Variants in CHCHD3 observed in about 807,000 individuals in gnomAD.
The protein encoded by CHCHD3 is coiled-coil-helix-coiled-coil-helix domain containing 3.
Under a neutral mutation model 38.2 loss-of-function variants are expected in CHCHD3, and 20 were observed. The ratio of observed to expected loss-of-function variants is 0.52; its 90% CI spans 0.37 to 0.76. CHCHD3 has a LOEUF of 0.76. Ranked by LOEUF, CHCHD3 falls within the 30% of genes least tolerant of loss-of-function variation. The pLI is 0.00. For missense variants in CHCHD3, 245 were observed against 279.2 expected (o/e 0.88, Z 0.87); for synonymous variants, 82 against 100.0 (o/e 0.82, Z 1.07).
chr7:132,852,830 A>G (rs1002168144), intron 5 of CHCHD3, among the ~76,000 whole-genome samples: 6 of 152,206 alleles, frequency 3.9e-5, no homozygotes, highest in Non-Finnish European at 7.3e-5. Context: ...TTTTGCCTAG[A>G]ACCTGACTTT....
intron 3 of CHCHD3, among the ~76,000 whole-genome samples, chr7:132,988,317 C>CACACA (rs66497050): frequency 4.2e-4 from 63 of 151,044 alleles, no homozygotes; most frequent in African/African-American, 9.9e-4. Flanking sequence ...ACACACACAC[C>CACACA]CACACAAATA....
chr7:132,915,634 G>A (rs562767183), intron 4 of CHCHD3, among the ~76,000 whole-genome samples: 19 of 152,166 alleles, frequency 1.2e-4, no homozygotes, highest in South Asian at 6.2e-4. Context: ...TAGGTCAATT[G>A]AGCATTTCAA....
At chr7:132,887,463 T>A (rs1398003823) in intron 4 of CHCHD3, among the ~76,000 whole-genome samples, 1 of 149,340 alleles carries the variant, frequency 6.7e-6, no homozygotes, top group Non-Finnish European at 1.5e-5. Context: ...AAGAATAGAC[T>A]CATAAGAAAC....
chr7:132,945,259 T>C (rs1023390165), intron 4 of CHCHD3, among the ~76,000 whole-genome samples: 10 of 151,988 alleles, frequency 6.6e-5, no homozygotes, highest in Admixed American at 1.3e-4. Flanking sequence ...AGGTTCCCCT[T>C]AAGCCAGCAC....
intron 4 of CHCHD3, among the ~76,000 whole-genome samples, chr7:132,968,709 G>A (rs540178208): frequency 2.1e-4 from 32 of 152,208 alleles, no homozygotes; most frequent in African/African-American, 3.1e-4. Flanking sequence ...CTGCAATTTC[G>A]TTCACCTGGC....
intron 4 of CHCHD3, among the ~76,000 whole-genome samples, chr7:132,964,639 A>T (rs1158382382): frequency 2.0e-5 from 3 of 152,212 alleles, no homozygotes; most frequent in Non-Finnish European, 4.4e-5. Flanking sequence ...AGGCCAAGGG[A>T]ATGGATAATT....
At chr7:132,954,957 C>T (rs1030796435) in intron 4 of CHCHD3, among the ~76,000 whole-genome samples, 2 of 152,166 alleles carry the variant, frequency 1.3e-5, no homozygotes, top group African/African-American at 4.8e-5. Context: ...ATACCATGTA[C>T]CGCAGAGATG....
chr7:132,831,246 G>A (rs1039709410), intron 6 of CHCHD3, among the ~76,000 whole-genome samples: 1 of 152,138 alleles, frequency 6.6e-6, no homozygotes, highest in Non-Finnish European at 1.5e-5. Flanking sequence ...AATACAATTT[G>A]TGTTCAGCAG....
At position 132,985,361 on chromosome 7, in the gene CHCHD3, G is replaced by A. The variant is rs1336930310; in HGVS notation, c.252-10075C>T. Among the ~76,000 whole-genome samples the A allele has an allele frequency of 2.4e-4, 16 of 66,066 alleles. 2 individuals carry two copies. Among genetic ancestry groups the A allele is most frequent in the Non-Finnish European group, 3.7e-4 (12 of 32,112 alleles). The allele number at this position is 66,066 out of a possible 152,430, so 43.3% of individuals were successfully genotyped here. The stretch of plus-strand genomic sequence containing the variant: ...GTCCCTCTGCCCGGCCAGCCGCCCC[G>A]TCCGGGAAGGAGGTGGGGGGGTCAG... On this transcript the variant is annotated intron_variant, in intron 3 of 7. Transcript: ENST00000262570.
chr7:132,963,156 AT>A (rs148626822), intron 4 of CHCHD3, among the ~76,000 whole-genome samples: 11,128 of 144,536 alleles, frequency 0.077, 546 homozygotes, highest in South Asian at 0.13. Flanking sequence ...AAAAAAAAAA[AT>A]ATATATATAT....
chr7:132,826,377 A>C (rs1807509705), intron 6 of CHCHD3, among the ~76,000 whole-genome samples: 1 of 152,240 alleles, frequency 6.6e-6, no homozygotes, highest in Non-Finnish European at 1.5e-5. Flanking sequence ...AAGGAGTATA[A>C]AGCCAGATGT....
chr7:133,007,331 G>A lies in CHCHD3; in HGVS notation c.251+17215C>T, dbSNP rs1050917765. Among the ~76,000 whole-genome samples the A allele has an allele frequency of 1.7e-4, 26 of 152,146 alleles. 1 individual carries two copies. Among genetic ancestry groups the A allele is most frequent in the Non-Finnish European group, 3.2e-4 (22 of 68,022 alleles). On this transcript the variant is annotated intron_variant, in intron 3 of 7. Transcript: ENST00000262570. ...TGCCCATGTCTTTAGTTATTGTCTC[G>A]TTCTCAGTCTCTTTTTGGACATATA...
chr7:132,912,717 G>A (rs920516448), intron 4 of CHCHD3, among the ~76,000 whole-genome samples: 1 of 152,100 alleles, frequency 6.6e-6, no homozygotes, highest in African/African-American at 2.4e-5. Context: ...ACCACACCCG[G>A]CTAATTTTCA....
At chr7:132,877,699 A>G (rs1056853333) in intron 5 of CHCHD3, among the ~76,000 whole-genome samples, 3 of 152,058 alleles carry the variant, frequency 2.0e-5, no homozygotes, top group Non-Finnish European at 4.4e-5. Context: ...ATTAACTTCA[A>G]CATCCAAACC....
chr7:132,973,148 T>C (rs1811653557), intron 4 of CHCHD3: 1 of 985,422 alleles, frequency 1.0e-6, no homozygotes, highest in African/African-American at 1.7e-5. Context: ...TAAGACAGTA[T>C]GTCCAAATTC....
chr7:133,040,768 G>C (rs950787598), intron 2 of CHCHD3, among the ~76,000 whole-genome samples: 3 of 152,136 alleles, frequency 2.0e-5, no homozygotes, highest in African/African-American at 7.2e-5. Context: ...TTAGTTTGCA[G>C]ATCCAGCCAA....
chr7:133,034,753 A>C, intron 2 of CHCHD3: 4 of 1,613,660 alleles, frequency 2.5e-6, no homozygotes, highest in Non-Finnish European at 3.4e-6. Context: ...TCCACCTGCC[A>C]ATCTGGACTC....
intron 3 of CHCHD3, among the ~76,000 whole-genome samples, chr7:133,012,268 C>T (rs1812896666): frequency 6.6e-6 from 1 of 152,116 alleles, no homozygotes; most frequent in African/African-American, 2.4e-5. Context: ...CAATTTCCAA[C>T]CTATTACAGC....
chr7:132,837,297 T>G (rs1283314804), intron 6 of CHCHD3, among the ~76,000 whole-genome samples: 3 of 152,168 alleles, frequency 2.0e-5, no homozygotes, highest in Non-Finnish European at 4.4e-5. Flanking sequence ...AATAAACACC[T>G]AACTTAAAAT....
Sources: allele counts gnomAD v4.1 joint callset (sites outside exome capture counted in the v4.1 genomes callset), GRCh38; gene constraint gnomAD v4.1.1; transcripts MANE v1.5; gene names NCBI Gene and HGNC (gene_info 2026-07-23, HGNC 2026-07-21).